WDTC1: variants seen among roughly 807,000 people sequenced by gnomAD.
The protein encoded by WDTC1 is WD and tetratricopeptide repeats 1, also known as WD and tetratricopeptide repeats protein 1.
WDTC1 carries 12 observed loss-of-function variants against 76.0 expected under a neutral mutation model. That is an observed-to-expected ratio of 0.16 (90% CI 0.10 to 0.26). The LOEUF (loss-of-function observed/expected upper bound fraction) is 0.26, where lower values mean the gene tolerates loss of function less well. WDTC1 is among the 10% of genes least tolerant of loss of function. The pLI is 1.00. For synonymous variants in WDTC1, 326 were observed against 350.8 expected, an observed-to-expected ratio of 0.93 and a Z score of 0.79; for missense variants, 511 against 908.8, an observed-to-expected ratio of 0.56 and a Z score of 5.63.
intron 1 of WDTC1, among the ~76,000 whole-genome samples, chr1:27,244,660 A>G (rs910194513): frequency 1.3e-5 from 2 of 152,114 alleles, no homozygotes; most frequent in African/African-American, 4.8e-5. Flanking sequence ...TGTTATTTCC[A>G]ATGACCTTTA....
intron 12 of WDTC1, among the ~76,000 whole-genome samples, chr1:27,300,708 G>C (rs547457485): frequency 1.0e-3 from 156 of 152,276 alleles, no homozygotes; most frequent in Non-Finnish European, 1.9e-3. Context: ...GGACAGGGGG[G>C]GGTCTGGCTG....
chr1:27,285,474 CTTG>C (rs1306411921), intron 5 of WDTC1, among the ~76,000 whole-genome samples: 2 of 152,080 alleles, frequency 1.3e-5, no homozygotes, highest in African/African-American at 2.4e-5. Flanking sequence ...ACCACTCAGC[CTTG>C]TTGTGGGTAG....
At chr1:27,277,592 C>G (rs1424763908) in intron 3 of WDTC1, among the ~76,000 whole-genome samples, 1 of 152,044 alleles carries the variant, frequency 6.6e-6, no homozygotes, top group East Asian at 1.9e-4. Flanking sequence ...CCCCTGTTCC[C>G]AGCCTGTCTT....
chr1:27,280,649 T>C (rs2013161519), intron 3 of WDTC1, among the ~76,000 whole-genome samples: 1 of 152,256 alleles, frequency 6.6e-6, no homozygotes, highest in Non-Finnish European at 1.5e-5. Context: ...TCTTTCCTAG[T>C]TGGCATTTTT....
chr1:27,297,147 G>T lies in WDTC1; in HGVS notation c.1049G>T (p.Gly350Val). Reference protein sequence around the residue: ...SNGFRLPESRGHVSPQVELPP... With the variant: ...SNGFRLPESRVHVSPQVELPP... ...GGCTTCCGGCTGCCGGAGAGTAGGG[G>T]ACATGTCAGGTGAGGCCAGCTGGCT... Residue 350 changes from glycine (G) to valine (V), a missense_variant, in exon 11 of 16, where the codon GGA becomes GTA. Transcript: ENST00000319394. 1 of 1,606,360 alleles carries T rather than the reference G, an allele frequency of 6.2e-7. No homozygotes were observed. Among genetic ancestry groups the T allele is most frequent in the Non-Finnish European group, 8.5e-7 (1 of 1,176,140 alleles).
At chr1:27,286,007 T>G (rs1051443604) in intron 5 of WDTC1, among the ~76,000 whole-genome samples, 3 of 142,268 alleles carry the variant, frequency 2.1e-5, no homozygotes, top group East Asian at 4.0e-4. Context: ...TTTTTTTTTT[T>G]TTTTTTTTTT....
chr1:27,242,426 G>A (rs1008043369), intron 1 of WDTC1, among the ~76,000 whole-genome samples: 8 of 152,112 alleles, frequency 5.3e-5, no homozygotes, highest in African/African-American at 1.9e-4. Context: ...CTGTGATAGT[G>A]CTACATTCCA....
At chr1:27,283,193 G>A in intron 4 of WDTC1, 145 bp from the exon 5 acceptor site, 1 of 636,240 alleles carries the variant, frequency 1.6e-6, no homozygotes, top group Non-Finnish European at 2.7e-6. Context: ...AAGAGAATCA[G>A]CTGTTTACAA....
At chr1:27,269,531 A>G (rs1169190345) in intron 3 of WDTC1, among the ~76,000 whole-genome samples, 1 of 151,076 alleles carries the variant, frequency 6.6e-6, no homozygotes. Context: ...GCTACGTGGA[A>G]GACGATGGAC....
At chr1:27,255,778 G>A (rs2012257060) in intron 1 of WDTC1, among the ~76,000 whole-genome samples, 1 of 151,920 alleles carries the variant, frequency 6.6e-6, no homozygotes. Context: ...CATGTTGGCT[G>A]GGCTGGTCTT....
intron 1 of WDTC1, among the ~76,000 whole-genome samples, chr1:27,249,638 G>C (rs775903296): frequency 6.6e-6 from 1 of 151,924 alleles, no homozygotes; most frequent in Non-Finnish European, 1.5e-5. Flanking sequence ...GGCTGGAGTG[G>C]CATGATCATA....
At position 27,274,967 on chromosome 1, in the gene WDTC1, A is replaced by G. The variant is rs2012979448; in HGVS notation, c.133-7272A>G. ...ATTTCTAAGGTCAGATAAGTGGTAG[A>G]AATAAGATTTAAAAGATTTATATCA... On this transcript the variant is annotated intron_variant, in intron 3 of 15. Transcript: ENST00000319394. This position sits in a 1 kb window ranked among gnomAD's most constrained non-coding sequence, Gnocchi z 4.2. Among the ~76,000 whole-genome samples the G allele has an allele frequency of 6.6e-6, 1 of 152,230 alleles. No homozygotes were observed. Among genetic ancestry groups the G allele is most frequent in the South Asian group, 2.1e-4 (1 of 4,832 alleles).
chr1:27,237,888 A>G, intron 1 of WDTC1, among the ~76,000 whole-genome samples: 1 of 151,708 alleles, frequency 6.6e-6, no homozygotes, highest in East Asian at 1.9e-4. Context: ...AAAGAAAAGA[A>G]AAAAAAGAAA....
At chr1:27,234,531 G>A, upstream of WDTC1, 1 of 373,242 alleles carries the variant, frequency 2.7e-6, no homozygotes, top group East Asian at 3.8e-5. Flanking sequence ...GGGGGGCCCG[G>A]CTAGCCATTC....
At chr1:27,291,926 T>G (rs1232206707) in intron 6 of WDTC1, among the ~76,000 whole-genome samples, 1 of 152,100 alleles carries the variant, frequency 6.6e-6, no homozygotes, top group Non-Finnish European at 1.5e-5. Flanking sequence ...TTTCACTAAG[T>G]GTTGGTAATC....
chr1:27,252,924 C>A (rs115129279), intron 1 of WDTC1, among the ~76,000 whole-genome samples: 1 of 151,978 alleles, frequency 6.6e-6, no homozygotes, highest in African/African-American at 2.4e-5. Flanking sequence ...TCATTTCCCT[C>A]ACTGTCATTT....
chr1:27,244,321 T>G (rs2011736865), intron 1 of WDTC1, among the ~76,000 whole-genome samples: 1 of 141,764 alleles, frequency 7.1e-6, no homozygotes, highest in South Asian at 2.3e-4. Context: ...TATTATGCTC[T>G]TTCTTTCTTT....
At position 27,240,783 on chromosome 1, in the gene WDTC1, T is replaced by C. The variant is rs563283458; in HGVS notation, c.-100+5832T>C. Among the ~76,000 whole-genome samples the C allele has an allele frequency of 9.6e-4, 146 of 152,228 alleles. 1 individual carries two copies. The Middle Eastern group carries it at 0.014, about 14-fold the overall frequency. On this transcript the variant is annotated intron_variant, in intron 1 of 15. Transcript: ENST00000319394. Reference sequence around the variant, plus strand: ...CAAGGTCAGGAGTTTGAGACCAGCCTGGCCAAGGTGGTGAAACCCTGTCTC... The same window carrying C: ...CAAGGTCAGGAGTTTGAGACCAGCCCGGCCAAGGTGGTGAAACCCTGTCTC...
intron 1 of WDTC1, among the ~76,000 whole-genome samples, chr1:27,240,352 A>G (rs1240948416): frequency 1.3e-5 from 2 of 152,084 alleles, no homozygotes; most frequent in African/African-American, 4.8e-5. Flanking sequence ...ATTTGAACCC[A>G]TGTCTCCTCC....
Sources: allele counts gnomAD v4.1 joint callset (sites outside exome capture counted in the v4.1 genomes callset), GRCh38; gene constraint gnomAD v4.1.1; non-coding constraint Gnocchi (gnomAD v3.1); transcripts MANE v1.5; gene names NCBI Gene and HGNC (gene_info 2026-07-23, HGNC 2026-07-21).